The following MAGI2 variants were observed in gnomAD, a reference collection of about 807,000 sequenced individuals.
MAGI2 encodes the protein membrane-associated guanylate kinase, WW and PDZ domain-containing protein 2.
MAGI2 carries 35 observed loss-of-function variants against 133.3 expected under a neutral mutation model. That is an observed-to-expected ratio of 0.26 (90% CI 0.20 to 0.35). The LOEUF is 0.35. Among genes scored for constraint, MAGI2 ranks in the 10% least tolerant of loss-of-function variants. The pLI is 1.00. For missense variants in MAGI2, 1,636 were observed against 1,863.4 expected, an observed-to-expected ratio of 0.88 and a Z score of 2.25; for synonymous variants, 729 against 710.6, an observed-to-expected ratio of 1.03 and a Z score of -0.41.
At chr7:78,073,995 A>G (rs1815002898) in intron 21 of MAGI2, among the ~76,000 whole-genome samples, 2 of 152,172 alleles carry the variant, frequency 1.3e-5, no homozygotes, top group South Asian at 4.1e-4. Context: ...GTGGAGTTGA[A>G]GTATCTATCT....
intron 9 of MAGI2, among the ~76,000 whole-genome samples, chr7:78,341,669 A>T (rs1347888431): frequency 6.6e-6 from 1 of 152,216 alleles, no homozygotes; most frequent in Non-Finnish European, 1.5e-5. Context: ...ATCTACAAAC[A>T]TCTGATCTTT....
chr7:78,299,281 G>C (rs369290565), intron 9 of MAGI2, among the ~76,000 whole-genome samples: 1 of 152,250 alleles, frequency 6.6e-6, no homozygotes, highest in African/African-American at 2.4e-5. Flanking sequence ...GTCACAGATA[G>C]AAAATTTAAG....
chr7:78,034,840 T>C (rs1174682228), intron 21 of MAGI2: 1 of 152,256 alleles, frequency 6.6e-6, no homozygotes, highest in African/African-American at 2.4e-5. Context: ...AATATCTCAC[T>C]TTTATACACC....
chr7:78,396,460 C>T (rs1009017790), intron 6 of MAGI2, among the ~76,000 whole-genome samples: 2 of 152,128 alleles, frequency 1.3e-5, no homozygotes, highest in African/African-American at 4.8e-5. Flanking sequence ...TTACTTGGAA[C>T]GTTCTTCCTT....
Position 78,078,928 on chromosome 7 carries a change from A to T in MAGI2, c.3706+19T>A, listed in dbSNP as rs759508931. 4 of 1,612,786 alleles carry T rather than the reference A, an allele frequency of 2.5e-6. No individual in the cohort carries two copies. Among genetic ancestry groups the T allele is most frequent in the Non-Finnish European group, 2.5e-6 (3 of 1,179,798 alleles). On this transcript the variant is annotated intron_variant, in intron 21 of 21. Transcript: ENST00000354212. Reference sequence around the variant, plus strand: ...CACAGAAGGAAGAGCAAAAGGGTGAATTAAAACGTGAAACGTACCATATTC... The same window carrying T: ...CACAGAAGGAAGAGCAAAAGGGTGATTTAAAACGTGAAACGTACCATATTC...
At chr7:78,130,362 T>C (rs189817836) in intron 18 of MAGI2, among the ~76,000 whole-genome samples, 20 of 152,318 alleles carry the variant, frequency 1.3e-4, no homozygotes, top group African/African-American at 4.8e-4. Context: ...CATTTTATTT[T>C]ATCCCGCTCT....
At chr7:78,266,849 G>A (rs1794069186) in intron 9 of MAGI2, among the ~76,000 whole-genome samples, 1 of 152,158 alleles carries the variant, frequency 6.6e-6, no homozygotes, top group Non-Finnish European at 1.5e-5. Flanking sequence ...TGGGATTACA[G>A]GTGTGAGCCA....
At chr7:78,263,899 C>G (rs944944897) in intron 9 of MAGI2, among the ~76,000 whole-genome samples, 1 of 152,080 alleles carries the variant, frequency 6.6e-6, no homozygotes, top group Non-Finnish European at 1.5e-5. Flanking sequence ...TTAGGACATG[C>G]CCCCAACACT....
At chr7:78,095,157 G>A (rs767715558) in intron 20 of MAGI2, among the ~76,000 whole-genome samples, 7 of 152,204 alleles carry the variant, frequency 4.6e-5, no homozygotes, top group Admixed American at 3.3e-4. Flanking sequence ...AGACATCAAG[G>A]AAGACAAGAT....
intron 16 of MAGI2, among the ~76,000 whole-genome samples, chr7:78,157,997 G>T (rs999397383): frequency 6.6e-6 from 1 of 152,068 alleles, no homozygotes; most frequent in African/African-American, 2.4e-5. Flanking sequence ...GCCAAACAGG[G>T]CAATTCTCTC....
chr7:79,378,926 GTATATATATATATATATATATA>G (rs59388508), intron 1 of MAGI2, among the ~76,000 whole-genome samples: 24,179 of 95,270 alleles, frequency 0.25, 3,129 homozygotes, highest in African/African-American at 0.35. Context: ...ATGTGTGTGT[GTATATATATATATATATATATA>G]TATATATATA....
At chr7:78,665,486 C>T (rs73380205) in intron 2 of MAGI2, among the ~76,000 whole-genome samples, 2,330 of 152,246 alleles carry the variant, frequency 0.015, 68 homozygotes, top group African/African-American at 0.053. Context: ...ACATTGTACA[C>T]TGATAAGCTG....
intron 6 of MAGI2, among the ~76,000 whole-genome samples, chr7:78,410,882 T>C (rs1797810230): frequency 6.6e-6 from 1 of 152,034 alleles, no homozygotes; most frequent in African/African-American, 2.4e-5. Flanking sequence ...CCTTCATAAT[T>C]GCTCGGGAGC....
intron 3 of MAGI2, among the ~76,000 whole-genome samples, chr7:78,579,869 A>G (rs1261365087): frequency 6.6e-6 from 1 of 152,154 alleles, no homozygotes; most frequent in African/African-American, 2.4e-5. Flanking sequence ...ACACTAGTCT[A>G]AACTACCCAC....
chr7:78,412,874 A>G (rs1797988158), intron 6 of MAGI2, among the ~76,000 whole-genome samples: 1 of 152,226 alleles, frequency 6.6e-6, no homozygotes, highest in East Asian at 1.9e-4. Context: ...TTGATGATTT[A>G]TAAATTTCCA....
At chr7:78,939,780 A>T (rs1800825165) in intron 2 of MAGI2, 1 of 152,200 alleles carries the variant, frequency 6.6e-6, no homozygotes, top group Admixed American at 6.5e-5. Flanking sequence ...ATCTAACATC[A>T]GCTCAGAAAA....
At chr7:78,984,334 C>T (rs549122209) in intron 2 of MAGI2, among the ~76,000 whole-genome samples, 2 of 152,084 alleles carry the variant, frequency 1.3e-5, no homozygotes, top group African/African-American at 4.8e-5. Context: ...CAGATAACAT[C>T]CCTTCTGTGT....
At chr7:79,322,111 T>C (rs1277363853) in intron 1 of MAGI2, among the ~76,000 whole-genome samples, 1 of 152,134 alleles carries the variant, frequency 6.6e-6, no homozygotes, top group Non-Finnish European at 1.5e-5. Flanking sequence ...ATAGAAGCAT[T>C]TACCTTCTTC....
chr7:78,741,078 G>A (rs756766845), intron 2 of MAGI2, among the ~76,000 whole-genome samples: 16 of 151,950 alleles, frequency 1.1e-4, no homozygotes, highest in African/African-American at 3.9e-4. Flanking sequence ...TTTTCCATCC[G>A]GGAGTTTTTA....
Sources: allele counts gnomAD v4.1 joint callset (sites outside exome capture counted in the v4.1 genomes callset), GRCh38; gene constraint gnomAD v4.1.1; transcripts MANE v1.5; gene names NCBI Gene and HGNC (gene_info 2026-07-23, HGNC 2026-07-21).